The following GTPBP10 variants were observed in gnomAD, a reference collection of about 807,000 sequenced individuals.
The protein encoded by GTPBP10 is GTP-binding protein 10.
A neutral mutation model predicts 44.8 loss-of-function variants in GTPBP10; 38 were observed. The ratio of observed to expected loss-of-function variants is 0.85; its 90% CI spans 0.65 to 1.11. The LOEUF (loss-of-function observed/expected upper bound fraction) is 1.11, where lower values mean the gene tolerates loss of function less well. GTPBP10 is among the 50% of genes most tolerant of loss of function. The pLI, the probability that GTPBP10 is intolerant of heterozygous loss-of-function variation, is 0.00. For missense variants in GTPBP10, 462 were observed against 453.7 expected (o/e 1.02, Z -0.17); for synonymous variants, 152 against 150.6 (o/e 1.01, Z -0.07).
At chr7:90,365,685 T>C (rs1450395448) in intron 4 of GTPBP10, among the ~76,000 whole-genome samples, 2 of 152,220 alleles carry the variant, frequency 1.3e-5, no homozygotes, top group Non-Finnish European at 2.9e-5. Context: ...CGGGGTTTTC[T>C]AAATATACAA....
rs1244239382 is a variant in GTPBP10, at chr7:90,386,350, GA to G, written c.*1198del. ...GATAGTAAAGATATGACAGAAACTA[GA>G]AGATAGCTGTTTATGATTTGAGCTT... On this transcript the variant is annotated 3_prime_UTR_variant, in exon 10 of 10. Transcript: ENST00000222511. 1 of 152,178 alleles carries G rather than the reference GA, an allele frequency of 6.6e-6. No homozygotes were observed. The highest frequency in any genetic ancestry group is 1.5e-5 in the Non-Finnish European group (1 of 68,030). 9.4% of individuals were successfully genotyped at this position (152,178 alleles called of 1,614,324 possible).
intron 4 of GTPBP10, among the ~76,000 whole-genome samples, chr7:90,366,997 C>T (rs757715474): frequency 1.3e-5 from 2 of 152,158 alleles, no homozygotes; most frequent in Non-Finnish European, 2.9e-5. Context: ...TCTGTGTTCT[C>T]ATTGGTTTCA....
chr7:90,353,727 G>A (rs1429187052), intron 2 of GTPBP10, among the ~76,000 whole-genome samples: 5 of 151,846 alleles, frequency 3.3e-5, no homozygotes, highest in Non-Finnish European at 7.4e-5. Flanking sequence ...CAGTTTAAGA[G>A]TAGCCAGATT....
At chr7:90,383,646 T>G (rs192095868) in intron 9 of GTPBP10, 1 of 152,224 alleles carries the variant, frequency 6.6e-6, no homozygotes, top group Non-Finnish European at 1.5e-5. Flanking sequence ...CTTCCTGGAC[T>G]ATATGTAAAG....
chr7:90,373,259 G>A (rs1271625830), intron 5 of GTPBP10, among the ~76,000 whole-genome samples: 1 of 152,190 alleles, frequency 6.6e-6, no homozygotes, highest in East Asian at 1.9e-4. Flanking sequence ...ATTTAAGCAA[G>A]GGATAAAATG....
At chr7:90,347,800 G>C (rs753126244) in intron 1 of GTPBP10, among the ~76,000 whole-genome samples, 4 of 152,216 alleles carry the variant, frequency 2.6e-5, no homozygotes, top group Non-Finnish European at 5.9e-5. Context: ...TGACGTTTAG[G>C]TGGATTTATG....
intron 4 of GTPBP10, among the ~76,000 whole-genome samples, chr7:90,357,625 T>C (rs1795929657): frequency 6.6e-6 from 1 of 152,174 alleles, no homozygotes; most frequent in Admixed American, 6.5e-5. Context: ...GTCTTCAAAT[T>C]TGAATAAGAA....
chr7:90,384,072 T>G (rs1796478849), intron 9 of GTPBP10, among the ~76,000 whole-genome samples: 1 of 152,192 alleles, frequency 6.6e-6, no homozygotes, highest in Non-Finnish European at 1.5e-5. Flanking sequence ...AAGGGAATTT[T>G]CAGAGGAAAT....
chr7:90,358,208 A>C (rs1370293610), intron 4 of GTPBP10, among the ~76,000 whole-genome samples: 1 of 152,158 alleles, frequency 6.6e-6, no homozygotes, highest in Non-Finnish European at 1.5e-5. Context: ...TAAAATACCA[A>C]AGAATATACG....
chr7:90,385,201 C>T lies in GTPBP10; in HGVS notation c.*47C>T. 7.4e-7 allele frequency: 1 copy of T among 1,346,384 alleles called. No homozygotes were observed. Among genetic ancestry groups the T allele is most frequent in the Non-Finnish European group, 1.0e-6 (1 of 989,330 alleles). The allele number at this position is 1,346,384 out of a possible 1,614,324, so 83.4% of individuals were successfully genotyped here. ...TGGAACAGTATTTAATGCTTAAAAA[C>T]AAGGAAATCCTTTCATCTGTGACAA... On this transcript the variant is annotated 3_prime_UTR_variant, in exon 10 of 10. Coordinates refer to ENST00000222511, the MANE Select transcript of GTPBP10 (RefSeq NM_033107.4).
chr7:90,355,058 T>C, intron 3 of GTPBP10, 28 bp from the exon 4 acceptor site: 1 of 1,441,298 alleles, frequency 6.9e-7, no homozygotes, highest in Non-Finnish European at 9.5e-7. Context: ...TAATCTTTGC[T>C]GTAAGTATTT....
intron 4 of GTPBP10, among the ~76,000 whole-genome samples, chr7:90,360,085 A>G (rs1403134891): frequency 6.6e-6 from 1 of 151,952 alleles, no homozygotes. Flanking sequence ...CCCATTCTGT[A>G]GGTTGCCTGT....
chr7:90,369,355 T>C (rs547120867), intron 4 of GTPBP10, among the ~76,000 whole-genome samples: 28 of 152,342 alleles, frequency 1.8e-4, no homozygotes, highest in Admixed American at 1.8e-3. Flanking sequence ...CGTTAAGGTC[T>C]GCCAAAGCTG....
Position 90,388,871 on chromosome 7 carries a change from T to C in GTPBP10, c.*3717T>C, listed in dbSNP as rs1186482111. The stretch of plus-strand genomic sequence containing the variant: ...TTCACAGTGTTTGCAAAGTTCAGAT[T>C]GAAAACCCAGTTTTACAAATCCCAT... On this transcript the variant is annotated 3_prime_UTR_variant, in exon 10 of 10. Transcript: ENST00000222511. 6.6e-6 allele frequency: 1 copy of C among 152,210 alleles called. No individual in the cohort carries two copies. The highest frequency in any genetic ancestry group is 2.4e-5 in the African/African-American group (1 of 41,460). 9.4% of individuals were successfully genotyped at this position (152,210 alleles called of 1,614,324 possible). A position where few individuals can be genotyped will look rare whatever the true frequency, so the allele number is the denominator to read the frequency against.
intron 1 of GTPBP10, among the ~76,000 whole-genome samples, chr7:90,348,672 G>C (rs1453617661): frequency 6.6e-6 from 1 of 151,990 alleles, no homozygotes; most frequent in East Asian, 1.9e-4. Context: ...AAGAGAGGCA[G>C]ACACACTATG....
chr7:90,363,977 C>T (rs1424633591), intron 4 of GTPBP10, among the ~76,000 whole-genome samples: 2 of 152,250 alleles, frequency 1.3e-5, no homozygotes, highest in Admixed American at 6.5e-5. Context: ...CCATGGTTTG[C>T]AGCTCCATCA....
intron 4 of GTPBP10, among the ~76,000 whole-genome samples, chr7:90,359,814 G>A (rs1024652581): frequency 2.0e-5 from 3 of 152,172 alleles, no homozygotes; most frequent in Non-Finnish European, 2.9e-5. Context: ...GTTGTTTCCT[G>A]ACTTTTTAAG....
intron 8 of GTPBP10, among the ~76,000 whole-genome samples, chr7:90,382,722 C>T (rs1310293784): frequency 1.3e-5 from 2 of 152,148 alleles, no homozygotes; most frequent in Admixed American, 6.6e-5. Flanking sequence ...CCATATTTGA[C>T]TCTAGACGCA....
chr7:90,368,773 C>A (rs1430931059), intron 4 of GTPBP10, among the ~76,000 whole-genome samples: 1 of 152,152 alleles, frequency 6.6e-6, no homozygotes, highest in Non-Finnish European at 1.5e-5. Context: ...TTATTACCAA[C>A]CTTCTGAAGT....
Sources: gnomAD v4.1 joint callset for allele counts (sites outside exome capture counted in the v4.1 genomes callset) on GRCh38, gnomAD v4.1.1 for gene constraint, MANE v1.5 for transcripts, NCBI Gene and HGNC (gene_info 2026-07-23, HGNC 2026-07-21) for gene names.